COG5: variants seen among roughly 807,000 people sequenced by gnomAD.
COG5 encodes the protein conserved oligomeric Golgi complex subunit 5.
In COG5, 86 loss-of-function variants were observed where a neutral mutation model predicts 110.4. The ratio of observed to expected loss-of-function variants is 0.78; its 90% CI spans 0.65 to 0.93. The LOEUF (loss-of-function observed/expected upper bound fraction) is 0.93. COG5 is among the 40% of genes least tolerant of loss of function. COG5 has a pLI of 0.00. For missense variants in COG5, 1,077 were observed against 987.0 expected, an observed-to-expected ratio of 1.09 and a Z score of -1.22; for synonymous variants, 360 against 334.6, an observed-to-expected ratio of 1.08 and a Z score of -0.83.
intron 6 of COG5, among the ~76,000 whole-genome samples, chr7:107,505,168 T>C (rs1798903463): frequency 1.3e-5 from 2 of 152,186 alleles, no homozygotes; most frequent in African/African-American, 4.8e-5. Context: ...AGTATTTTAT[T>C]TACTGGATTG....
intron 10 of COG5, among the ~76,000 whole-genome samples, chr7:107,358,262 A>G (rs2129044600): frequency 6.6e-6 from 1 of 152,358 alleles, no homozygotes; most frequent in Middle Eastern, 3.4e-3. Context: ...AAATGAGGCC[A>G]CTGCACATAA....
chr7:107,423,346 T>C (rs896633130), intron 6 of COG5, among the ~76,000 whole-genome samples: 7 of 152,288 alleles, frequency 4.6e-5, no homozygotes, highest in Middle Eastern at 3.4e-3. Context: ...CACAGACATA[T>C]CATCGTGGAA....
intron 13 of COG5, 100 bp downstream of exon 13, chr7:107,283,471 T>A: frequency 9.6e-7 from 1 of 1,046,762 alleles, no homozygotes; most frequent in Non-Finnish European, 1.4e-6. Flanking sequence ...GCCTAATTAC[T>A]TGAATAATTT....
intron 14 of COG5, among the ~76,000 whole-genome samples, chr7:107,262,895 G>A (rs1326316204): frequency 6.6e-6 from 1 of 152,122 alleles, no homozygotes; most frequent in African/African-American, 2.4e-5. Context: ...TTATACCAAA[G>A]TATGCTATGT....
intron 19 of COG5, among the ~76,000 whole-genome samples, chr7:107,220,110 G>A (rs1259357554): frequency 1.3e-5 from 2 of 152,204 alleles, no homozygotes; most frequent in Non-Finnish European, 2.9e-5. Flanking sequence ...ATTCTGCAAT[G>A]CAGCCTCTTT....
At chr7:107,445,680 T>C (rs1184676646) in intron 6 of COG5, among the ~76,000 whole-genome samples, 2 of 152,178 alleles carry the variant, frequency 1.3e-5, no homozygotes, top group Non-Finnish European at 2.9e-5. Flanking sequence ...TATCACAATA[T>C]AAAATTAAAT....
At chr7:107,511,503 C>T (rs554184432) in intron 6 of COG5, among the ~76,000 whole-genome samples, 2 of 152,242 alleles carry the variant, frequency 1.3e-5, no homozygotes, top group South Asian at 2.1e-4. Context: ...TGAAACTATT[C>T]CAATCAATAG....
intron 17 of COG5, among the ~76,000 whole-genome samples, chr7:107,244,555 T>A (rs183617844): frequency 5.3e-5 from 8 of 151,640 alleles, no homozygotes; most frequent in Admixed American, 3.9e-4. Context: ...TGAAAAAAAT[T>A]AATAAAATAG....
At chr7:107,406,468 T>G (rs1443852608) in intron 7 of COG5, among the ~76,000 whole-genome samples, 1 of 152,156 alleles carries the variant, frequency 6.6e-6, no homozygotes, top group East Asian at 1.9e-4. Flanking sequence ...ACTAACTTCC[T>G]AAAAGTTTGT....
chr7:107,225,671 C>T (rs1800281546), intron 19 of COG5, among the ~76,000 whole-genome samples: 1 of 152,174 alleles, frequency 6.6e-6, no homozygotes, highest in Non-Finnish European at 1.5e-5. Flanking sequence ...CACCACCATG[C>T]CTGGCTAATT....
intron 8 of COG5, among the ~76,000 whole-genome samples, chr7:107,371,601 CATTAACT>C (rs1473508689): frequency 1.3e-5 from 2 of 152,020 alleles, no homozygotes; most frequent in Non-Finnish European, 2.9e-5. Context: ...AAACCAGAAA[CATTAACT>C]ATAGATAACA....
intron 6 of COG5, among the ~76,000 whole-genome samples, chr7:107,424,021 C>G (rs556731072): frequency 6.6e-6 from 1 of 152,192 alleles, no homozygotes; most frequent in Non-Finnish European, 1.5e-5. Flanking sequence ...ATCCATAATC[C>G]TGACACTTCT....
intron 6 of COG5, among the ~76,000 whole-genome samples, chr7:107,469,613 T>A (rs1796512184): frequency 6.6e-6 from 1 of 152,130 alleles, no homozygotes; most frequent in Non-Finnish European, 1.5e-5. Flanking sequence ...ACAAACTATT[T>A]AAAATTCACT....
intron 6 of COG5, among the ~76,000 whole-genome samples, chr7:107,476,864 T>C (rs1032253522): frequency 3.3e-5 from 5 of 151,678 alleles, no homozygotes; most frequent in Non-Finnish European, 7.4e-5. Flanking sequence ...TTATCCAGTC[T>C]AGTTTACTGA....
intron 5 of COG5, among the ~76,000 whole-genome samples, chr7:107,541,496 CAAAAAAA>C (rs869244428): frequency 2.8e-4 from 9 of 31,956 alleles, no homozygotes; most frequent in East Asian, 1.4e-3. Flanking sequence ...GACCCTGTCT[CAAAAAAA>C]AAAAAAAAAA....
chr7:107,509,565 T>A (rs1214040451), intron 6 of COG5, among the ~76,000 whole-genome samples: 1 of 152,100 alleles, frequency 6.6e-6, no homozygotes, highest in Non-Finnish European at 1.5e-5. Context: ...AAGATGCTCC[T>A]CGAGAAGAGC....
rs760552427 is a variant in COG5, at chr7:107,527,298, T to C, written c.477A>G (p.Gln159=). The C allele has an allele frequency of 1.2e-6, 2 of 1,612,956 alleles. No individual in the cohort carries two copies. The highest frequency in any genetic ancestry group is 1.1e-5 in the South Asian group (1 of 90,896). Residue 159 remains glutamine (Q), a synonymous_variant, in exon 6 of 22, where the codon CAA becomes CAG. Transcript: ENST00000297135. ...CTCTACTTCCCCCTTGCAGTTGTCC[T>C]TGGAGTCTCTTACTGAGATTCAAGA... ...IRILNLSKRL[Q]GQLQGGSREI...
intron 10 of COG5, among the ~76,000 whole-genome samples, chr7:107,326,817 C>T (rs1809807655): frequency 1.3e-5 from 2 of 152,004 alleles, no homozygotes; most frequent in African/African-American, 4.8e-5. Flanking sequence ...CCCAAATATC[C>T]AAATATCTTT....
At position 107,362,642 on chromosome 7, in the gene COG5, A is replaced by G. The variant is rs931132846; in HGVS notation, c.836-222T>C. The stretch of plus-strand genomic sequence containing the variant: ...TGGAAATTGATGAAAATGGTTTCCT[A>G]CAAGAGGTGTGAGAATGGTGGGAAA... On this transcript the variant is annotated intron_variant, in intron 8 of 21. Coordinates refer to ENST00000297135, the MANE Select transcript of COG5 (RefSeq NM_006348.5). 2.6e-5 allele frequency among the ~76,000 whole-genome samples: 4 copies of G among 152,140 alleles called. No individual in the cohort carries two copies. The South Asian group carries it at 6.2e-4, about 24-fold the overall frequency.
Sources: gnomAD v4.1 joint callset for allele counts (sites outside exome capture counted in the v4.1 genomes callset) on GRCh38, gnomAD v4.1.1 for gene constraint, MANE v1.5 for transcripts, NCBI Gene and HGNC (gene_info 2026-07-23, HGNC 2026-07-21) for gene names.